Variants in SPG7 observed in about 807,000 individuals in gnomAD.
SPG7 encodes the protein SPG7 matrix AAA peptidase subunit, paraplegin, also known as mitochondrial inner membrane m-AAA protease component paraplegin.
SPG7 carries 103 observed loss-of-function variants against 81.9 expected under a neutral mutation model. That is an observed-to-expected ratio of 1.26 (90% CI 1.07 to 1.48). The LOEUF (loss-of-function observed/expected upper bound fraction) is 1.48, where lower values mean the gene tolerates loss of function less well. Among genes scored for constraint, SPG7 ranks in the 40% most tolerant of loss-of-function variants. The probability of loss-of-function intolerance (pLI) is 0.00; values close to 1 mark genes in which losing one functional copy is unlikely to be tolerated. For missense variants in SPG7, 1,241 were observed against 1,087.3 expected (o/e 1.14, Z -1.99); for synonymous variants, 534 against 444.2 (o/e 1.20, Z -2.54).
chr16:89,510,310 C>T (rs1181187874), intron 1 of SPG7, among the ~76,000 whole-genome samples, 180 bp from the exon 2 acceptor site: 1 of 152,166 alleles, frequency 6.6e-6, no homozygotes, highest in African/African-American at 2.4e-5. Flanking sequence ...TTGCTTTTGA[C>T]ATTTTGATGT....
At chr16:89,509,117 C>G (rs2057976572) in intron 1 of SPG7, 2 of 376,782 alleles carry the variant, frequency 5.3e-6, no homozygotes, top group African/African-American at 2.1e-5. Flanking sequence ...CCCTGTAGTG[C>G]GGCCTTGTTT....
At chr16:89,531,607 C>T in intron 7 of SPG7, 2 of 421,228 alleles carry the variant, frequency 4.7e-6, no homozygotes, top group South Asian at 4.4e-5. Flanking sequence ...CTCCTGATCT[C>T]AAGCTACGCG....
In SPG7 at chr16:89,529,567, AT is replaced by A. The variant is rs768595656; in HGVS notation, c.851del (p.Phe284SerfsTer45). 4.3e-6 allele frequency: 7 copies of A among 1,612,302 alleles called. No homozygotes were observed. The Admixed American group carries it at 5.0e-5, about 12-fold the overall frequency. Reference sequence around the variant, plus strand: ...CCGGGATGACTGGAAGGGAAGGTGGATTCAGTGCTTTTGTAAGTTCTGTAAA... The same window carrying A: ...CCGGGATGACTGGAAGGGAAGGTGGATCAGTGCTTTTGTAAGTTCTGTAAA... Reference protein sequence around the residue: ...LAGMTGREGGFSAFNQLKMAR... With the variant: ...LAGMTGREGGXSAFNQLKMAR... On this transcript the variant is annotated frameshift_variant, in exon 6 of 17. Transcript: ENST00000645818. LOFTEE classifies it high-confidence loss of function.
chr16:89,546,725 C>A lies in SPG7; in HGVS notation c.1517C>A (p.Ser506Tyr). 6.2e-7 allele frequency: 1 copy of A among 1,613,594 alleles called. No homozygotes were observed. Among genetic ancestry groups the A allele is most frequent in the Non-Finnish European group, 8.5e-7 (1 of 1,179,536 alleles). ...CTGACCCAGTCCAGCACCTTTTACT[C>A]CCAGCGTCTGGCAGAGCTGACACCA... The part of the protein sequence containing the change: ...LKLTQSSTFY[S>Y]QRLAELTPGF... The change falls in exon 11 of 17, where the codon TCC becomes TAC. Residue 506 changes from serine to tyrosine, a missense_variant. By Grantham distance (144) the Ser-to-Tyr change is moderately radical. Coordinates refer to ENST00000645818, the MANE Select transcript of SPG7 (RefSeq NM_003119.4).
chr16:89,551,036 C>T, intron 13 of SPG7: 1 of 272,124 alleles, frequency 3.7e-6, no homozygotes, highest in East Asian at 8.6e-5. Context: ...CAAGACCAGC[C>T]TGGCCAACAG....
At chr16:89,537,815 T>C in intron 9 of SPG7, 1 of 977,750 alleles carries the variant, frequency 1.0e-6, no homozygotes. Context: ...CTGGTCCTGG[T>C]CCCAGTGTGA....
chr16:89,508,528 C>T lies in SPG7; in HGVS notation c.111C>T (p.Pro37=), dbSNP rs2057961433. Reference sequence around the variant, plus strand: ...GGAGTCCAGGGTTCCCCGCCAGGCCCGGGAGGGGGCGGCCGTACATGGCCA... The same window carrying T: ...GGAGTCCAGGGTTCCCCGCCAGGCCTGGGAGGGGGCGGCCGTACATGGCCA... ...PAWSPGFPAR[P]GRGRPYMASR... Residue 37 remains proline, a synonymous_variant, in exon 1 of 17, where the codon CCC becomes CCT. Coordinates refer to ENST00000645818, the MANE Select transcript of SPG7 (RefSeq NM_003119.4). The T allele has an allele frequency of 6.6e-7, 1 of 1,513,032 alleles. No homozygotes were observed. Among genetic ancestry groups the T allele is most frequent in the Non-Finnish European group, 8.8e-7 (1 of 1,136,372 alleles). The allele number at this position is 1,513,032 out of a possible 1,614,324, so 93.7% of individuals were successfully genotyped here.
rs559510751 is a variant in SPG7, at chr16:89,526,207, G to T, written c.619-122G>T. 5.3e-6 allele frequency: 6 copies of T among 1,122,628 alleles called. No individual in the cohort carries two copies. The East Asian group carries it at 1.4e-4, about 26-fold the overall frequency. The allele number at this position is 1,122,628 out of a possible 1,614,324, so 69.5% of individuals were successfully genotyped here. On this transcript the variant is annotated intron_variant, in intron 4 of 16. Transcript: ENST00000645818. ...AGGAATCACCTCTAGTTTCTGAATG[G>T]TGTCCTCTTCACAATGCTGAGGTTG...
At chr16:89,553,466 G>A (rs1237820399) in intron 14 of SPG7, 5 of 525,490 alleles carry the variant, frequency 9.5e-6, no homozygotes, top group Middle Eastern at 5.1e-4. Flanking sequence ...GAGAGCTGAA[G>A]GAGGGTCCCG....
intron 2 of SPG7, among the ~76,000 whole-genome samples, chr16:89,512,191 G>A (rs535858958): frequency 8.5e-4 from 127 of 150,116 alleles, no homozygotes; most frequent in African/African-American, 3.0e-3. Flanking sequence ...GATTACAGGC[G>A]TGCGCCACTG....
At chr16:89,519,937 A>G (rs1345114664) in intron 3 of SPG7, 2 of 152,234 alleles carry the variant, frequency 1.3e-5, no homozygotes, top group Non-Finnish European at 2.9e-5. Context: ...TTATGTGATC[A>G]TAATATCTAA....
intron 9 of SPG7, chr16:89,537,254 C>T (rs989784810): frequency 1.4e-5 from 20 of 1,387,334 alleles, no homozygotes; most frequent in African/African-American, 7.4e-5. Flanking sequence ...TTACGTCAGC[C>T]GGTCCATGGC....
At chr16:89,530,226 C>T in intron 6 of SPG7, 1 of 319,098 alleles carries the variant, frequency 3.1e-6, no homozygotes, top group South Asian at 2.7e-5. Context: ...CTCACTGCAA[C>T]CTCTGCCTCC....
rs763090250 is a variant in SPG7, at chr16:89,512,985, G to A, written c.324G>A (p.Gln108=). 1 of 1,613,256 alleles carries A rather than the reference G, an allele frequency of 6.2e-7. No homozygotes were observed. The highest frequency in any genetic ancestry group is 2.2e-5 in the East Asian group (1 of 44,872). Residue 108 remains glutamine, a synonymous_variant, in exon 3 of 17, where the codon CAG becomes CAA. Coordinates refer to ENST00000645818, the MANE Select transcript of SPG7 (RefSeq NM_003119.4). The part of the protein sequence containing the change: ...TFYFNTSRLK[Q]KNKEKDKSKG... ...ATTTTAACACCTCAAGGTTGAAGCA[G>A]AAGAATAAGGAGAAGGATAAGTCGA...
chr16:89,529,572 G>T lies in SPG7; in HGVS notation c.854G>T (p.Ser285Ile). The T allele has an allele frequency of 6.2e-7, 1 of 1,611,542 alleles. No individual in the cohort carries two copies. The highest frequency in any genetic ancestry group is 8.5e-7 in the Non-Finnish European group (1 of 1,177,700). ...AGMTGREGGF[S>I]AFNQLKMARF... The stretch of plus-strand genomic sequence containing the variant: ...ATGACTGGAAGGGAAGGTGGATTCA[G>T]TGCTTTTGTAAGTTCTGTAAATCAG... The change falls in exon 6 of 17, where the codon AGT (serine) becomes ATT (isoleucine). Residue 285 changes from serine to isoleucine, a missense_variant. Transcript: ENST00000645818.
intron 3 of SPG7, 24 bp downstream of exon 3, chr16:89,513,061 GTCAGTAGCTGCCTCTGGATGTCTTT>G (rs777383153): frequency 6.3e-7 from 1 of 1,583,596 alleles, no homozygotes. Flanking sequence ...ATGTTCTTCA[GTCAGTAGCTGCCTCTGGATGTCTTT>G]ACATTTCTGT....
intron 6 of SPG7, chr16:89,530,462 C>A (rs2058326182): frequency 1.6e-6 from 1 of 609,222 alleles, no homozygotes. Context: ...TTTTTTAAAG[C>A]AAATTGCTAG....
rs72547552 is a variant in SPG7 at position 89,550,559 on chromosome 16, G to A, written c.1729G>A (p.Gly577Ser). ...EQKVVAFHES[G>S]HALVGWMLEH... ...GAAAGTGGTTGCGTTTCATGAGTCG[G>A]GCCACGCCTTGGTGGGCTGGATGCT... The change falls in exon 13 of 17, where the codon GGC (glycine) becomes AGC (serine). Residue 577 changes from glycine (G) to serine (S), a missense_variant. Transcript: ENST00000645818. 2.5e-6 allele frequency: 4 copies of A among 1,614,048 alleles called. No individual in the cohort carries two copies. The South Asian group carries it at 4.4e-5, about 18-fold the overall frequency.
chr16:89,532,780 A>G, intron 9 of SPG7, 144 bp downstream of exon 9: 1 of 990,890 alleles, frequency 1.0e-6, no homozygotes, highest in Non-Finnish European at 1.5e-6. Context: ...AAGAAAAAAA[A>G]AAAATAGAAA....
Sources: allele counts gnomAD v4.1 joint callset (sites outside exome capture counted in the v4.1 genomes callset), GRCh38; gene constraint gnomAD v4.1.1; transcripts MANE v1.5; gene names NCBI Gene and HGNC (gene_info 2026-07-23, HGNC 2026-07-21).